Variants in FTO observed in about 807,000 individuals in gnomAD.
FTO encodes FTO alpha-ketoglutarate dependent dioxygenase.
Under a neutral mutation model 63.9 loss-of-function variants are expected in FTO, and 47 were observed. That is an observed-to-expected ratio of 0.74 (90% CI 0.58 to 0.94). The LOEUF (loss-of-function observed/expected upper bound fraction) is 0.94, where lower values mean the gene tolerates loss of function less well. FTO is among the 40% of genes least tolerant of loss of function. The pLI is 0.00. For missense variants in FTO, 562 were observed against 618.1 expected (o/e 0.91, Z 0.96); for synonymous variants, 207 against 224.4 (o/e 0.92, Z 0.69).
chr16:53,753,827 C>T (rs2076855002), intron 1 of FTO, among the ~76,000 whole-genome samples: 1 of 152,214 alleles, frequency 6.6e-6, no homozygotes, highest in African/African-American at 2.4e-5. Flanking sequence ...TTTGTCCTAT[C>T]ACATGAAGCT....
intron 1 of FTO, among the ~76,000 whole-genome samples, chr16:53,721,947 A>C (rs1032339309): frequency 2.0e-5 from 3 of 152,176 alleles, no homozygotes; most frequent in Non-Finnish European, 4.4e-5. Context: ...TTCATATCTC[A>C]GATAATTGAT....
intron 1 of FTO, among the ~76,000 whole-genome samples, chr16:53,794,973 G>T (rs1383072503): frequency 6.6e-6 from 1 of 152,186 alleles, no homozygotes; most frequent in African/African-American, 2.4e-5. Context: ...TATCCCAGAT[G>T]AGATGAATTT....
At chr16:53,708,937 T>A (rs1035050554) in intron 1 of FTO, among the ~76,000 whole-genome samples, 1 of 152,246 alleles carries the variant, frequency 6.6e-6, no homozygotes, top group African/African-American at 2.4e-5. Context: ...TTGTTTACTA[T>A]GTGTGTTGCA....
chr16:53,724,664 T>C (rs1210444018), intron 1 of FTO, among the ~76,000 whole-genome samples: 1 of 152,192 alleles, frequency 6.6e-6, no homozygotes, highest in Non-Finnish European at 1.5e-5. Flanking sequence ...CAATTGCCAT[T>C]ATTCCCCCCA....
Position 53,704,191 on chromosome 16 carries a change from C to T in FTO, c.7C>T (p.Arg3Cys), listed in dbSNP as rs765157936. 6 of 1,551,466 alleles carry T rather than the reference C, an allele frequency of 3.9e-6. No homozygotes were observed. The highest frequency in any genetic ancestry group is 3.6e-5 in the South Asian group (3 of 84,058). ...AGGCGGCTTTAGTGGCAGCATGAAG[C>T]GCACCCCGACTGCCGAGGAACGAGA... Reference protein sequence around the residue: MKRTPTAEERERE... With the variant: MKCTPTAEERERE... Residue 3 changes from arginine to cysteine, a missense_variant, in exon 1 of 9, where the codon CGC becomes TGC. Arg to Cys is a radical substitution (Grantham distance 180). Coordinates refer to ENST00000471389, the MANE Select transcript of FTO (RefSeq NM_001080432.3).
chr16:53,721,337 A>C (rs1320603995), intron 1 of FTO, among the ~76,000 whole-genome samples: 2 of 152,190 alleles, frequency 1.3e-5, no homozygotes, highest in Non-Finnish European at 2.9e-5. Context: ...AGACTAATAA[A>C]ATAGTGGAGT....
At chr16:54,019,412 C>A (rs1469282049) in intron 8 of FTO, among the ~76,000 whole-genome samples, 1 of 152,130 alleles carries the variant, frequency 6.6e-6, no homozygotes, top group Non-Finnish European at 1.5e-5. Flanking sequence ...TTTTTTATGC[C>A]TCTGCCATAC....
intron 1 of FTO, among the ~76,000 whole-genome samples, chr16:53,751,094 T>C (rs929624173): frequency 6.6e-6 from 1 of 152,104 alleles, no homozygotes; most frequent in African/African-American, 2.4e-5. Flanking sequence ...ATGGAAGAAT[T>C]GTCCTGGGCC....
intron 8 of FTO, among the ~76,000 whole-genome samples, chr16:54,105,092 C>T (rs889254626): frequency 1.1e-4 from 16 of 152,076 alleles, no homozygotes; most frequent in Admixed American, 3.9e-4. Flanking sequence ...GTTGAGGAAA[C>T]TAAGAGATTG....
At chr16:53,710,723 G>A (rs1282840161) in intron 1 of FTO, among the ~76,000 whole-genome samples, 1 of 152,104 alleles carries the variant, frequency 6.6e-6, no homozygotes, top group Non-Finnish European at 1.5e-5. Context: ...TAAAAGTTGA[G>A]GGATTTCACA....
chr16:53,992,408 C>G (rs369168756), intron 8 of FTO: 57 of 152,252 alleles, frequency 3.7e-4, no homozygotes, highest in African/African-American at 1.3e-3. Context: ...ATCTCTGTTT[C>G]AGGTCTTTTC....
At chr16:53,767,431 C>A (rs1421086) in intron 1 of FTO, among the ~76,000 whole-genome samples, 63,360 of 151,898 alleles carry the variant, frequency 0.42, 13,441 homozygotes, top group Non-Finnish European at 0.44. Flanking sequence ...TGCAGCACAC[C>A]AGCATGGCAC....
At chr16:53,821,941 C>T (rs183180858) in intron 2 of FTO, among the ~76,000 whole-genome samples, 301 of 152,294 alleles carry the variant, frequency 2.0e-3, no homozygotes, top group Non-Finnish European at 3.6e-3. Flanking sequence ...CAAGCAGCCA[C>T]CAGCTGGTTG....
At chr16:54,064,778 G>A (rs547146456) in intron 8 of FTO, among the ~76,000 whole-genome samples, 73 of 152,258 alleles carry the variant, frequency 4.8e-4, no homozygotes, top group African/African-American at 1.6e-3. Flanking sequence ...GCCTGTATAC[G>A]TGAATTAAAA....
intron 8 of FTO, chr16:53,993,359 A>C (rs192459627): frequency 1.3e-5 from 2 of 152,368 alleles, no homozygotes; most frequent in African/African-American, 4.8e-5. Flanking sequence ...TAGCTGTTTT[A>C]ATATCCCTTT....
At chr16:53,873,262 T>G (rs2080551174) in intron 4 of FTO, among the ~76,000 whole-genome samples, 1 of 152,038 alleles carries the variant, frequency 6.6e-6, no homozygotes, top group African/African-American at 2.4e-5. Flanking sequence ...TCATATATAG[T>G]GAATTTTATA....
intron 4 of FTO, among the ~76,000 whole-genome samples, chr16:53,861,346 G>A (rs544197162): frequency 5.3e-4 from 80 of 152,262 alleles, no homozygotes; most frequent in African/African-American, 1.8e-3. Flanking sequence ...ACAGTGCTAA[G>A]TGTTCCAATT....
chr16:53,897,067 C>T (rs143735989), intron 7 of FTO, among the ~76,000 whole-genome samples: 2 of 152,272 alleles, frequency 1.3e-5, no homozygotes, highest in African/African-American at 4.8e-5. Context: ...AAAATAATGA[C>T]CCTTTTTTAA....
At chr16:53,895,303 G>A (rs2151916113) in intron 7 of FTO, among the ~76,000 whole-genome samples, 1 of 152,168 alleles carries the variant, frequency 6.6e-6, no homozygotes, top group African/African-American at 2.4e-5. Flanking sequence ...AGAAAGTGTT[G>A]TGTATCCTGT....
Sources: gnomAD v4.1 joint callset for allele counts (sites outside exome capture counted in the v4.1 genomes callset) on GRCh38, gnomAD v4.1.1 for gene constraint, MANE v1.5 for transcripts, NCBI Gene and HGNC (gene_info 2026-07-23, HGNC 2026-07-21) for gene names.